Variants in BTC observed in about 807,000 individuals in gnomAD.
The protein encoded by BTC is betacellulin, also known as probetacellulin.
Under a neutral mutation model 18.1 loss-of-function variants are expected in BTC, and 13 were observed. The ratio of observed to expected loss-of-function variants is 0.72; its 90% CI spans 0.47 to 1.14. The LOEUF (loss-of-function observed/expected upper bound fraction) is 1.14, where lower values mean the gene tolerates loss of function less well. Ranked by LOEUF, BTC falls within the 50% of genes most tolerant of loss-of-function variation. BTC has a pLI of 0.00. For synonymous variants in BTC, 83 were observed against 79.4 expected (o/e 1.05, Z -0.24); for missense variants, 247 against 224.2 (o/e 1.10, Z -0.65).
At chr4:74,763,870 T>C (rs965508896) in intron 2 of BTC, among the ~76,000 whole-genome samples, 24 of 152,266 alleles carry the variant, frequency 1.6e-4, no homozygotes, top group African/African-American at 5.1e-4. Context: ...TTTCAACACA[T>C]AAAAATGATA....
At chr4:74,758,222 C>T (rs143846412) in intron 2 of BTC, among the ~76,000 whole-genome samples, 21 of 152,114 alleles carry the variant, frequency 1.4e-4, no homozygotes, top group East Asian at 9.6e-4. Flanking sequence ...AGAATGGCTG[C>T]GAATGAAAGT....
chr4:74,784,925 T>G (rs1226122354), intron 1 of BTC, among the ~76,000 whole-genome samples: 2 of 152,220 alleles, frequency 1.3e-5, no homozygotes, highest in African/African-American at 4.8e-5. Flanking sequence ...GGTATCAGGA[T>G]GATGCTGGCC....
Position 74,771,747 on chromosome 4 carries a change from A to C in BTC, c.65-1591T>G, listed in dbSNP as rs141341260. On this transcript the variant is annotated intron_variant, in intron 1 of 5. Transcript: ENST00000395743. ...ATTAGTACTGCTTTTCTTGAGAACA[A>C]TTCAGCACTATACAAAACATAAAAG... Among the ~76,000 whole-genome samples, 682 of 152,350 alleles carry C rather than the reference A, an allele frequency of 4.5e-3. 20 individuals are homozygous for C. The highest frequency in any genetic ancestry group is 9.3e-4 in the Non-Finnish European group (63 of 68,030).
At chr4:74,771,660 A>G (rs1166519666) in intron 1 of BTC, among the ~76,000 whole-genome samples, 3 of 152,226 alleles carry the variant, frequency 2.0e-5, no homozygotes, top group Non-Finnish European at 2.9e-5. Context: ...AAAGAAAGAA[A>G]TGTACCTAAC....
At chr4:74,780,206 T>A (rs559133823) in intron 1 of BTC, among the ~76,000 whole-genome samples, 6 of 152,218 alleles carry the variant, frequency 3.9e-5, no homozygotes, top group African/African-American at 1.4e-4. Context: ...TAAGAAATAG[T>A]CACAACACAT....
intron 1 of BTC, among the ~76,000 whole-genome samples, chr4:74,776,213 C>A (rs141380303): frequency 4.4e-4 from 67 of 151,170 alleles, no homozygotes; most frequent in Middle Eastern, 3.4e-3. Context: ...ACACTTTTTC[C>A]TTTTAAATGT....
chr4:74,761,290 T>C (rs1280029788), intron 2 of BTC, among the ~76,000 whole-genome samples: 1 of 152,182 alleles, frequency 6.6e-6, no homozygotes, highest in Non-Finnish European at 1.5e-5. Flanking sequence ...CCATGATGAA[T>C]CCATGGCTCA....
Position 74,753,982 on chromosome 4 carries a change from AC to A in BTC, c.281+1876del, listed in dbSNP as rs532514957. Among the ~76,000 whole-genome samples the A allele has an allele frequency of 7.2e-5, 11 of 152,280 alleles. No individual in the cohort carries two copies. In the South Asian group the frequency reaches 2.3e-3, roughly 32 times the overall value. On this transcript the variant is annotated intron_variant, in intron 3 of 5. Transcript: ENST00000395743. Reference sequence around the variant, plus strand: ...TCGCATTTATTATTTTGCTATCTTCACCACTTGACTGGACAGTATTATTACT... The same window carrying A: ...TCGCATTTATTATTTTGCTATCTTCACACTTGACTGGACAGTATTATTACT...
At chr4:74,784,729 A>G (rs1246250039) in intron 1 of BTC, among the ~76,000 whole-genome samples, 1 of 152,192 alleles carries the variant, frequency 6.6e-6, no homozygotes, top group Non-Finnish European at 1.5e-5. Context: ...AATCACATTT[A>G]TTGATTTGCA....
chr4:74,747,617 G>C (rs1224983468), intron 5 of BTC, among the ~76,000 whole-genome samples: 2 of 152,176 alleles, frequency 1.3e-5, no homozygotes, highest in Non-Finnish European at 2.9e-5. Context: ...CATCTGAGAA[G>C]ATTTGTGATT....
At chr4:74,793,954 C>G (rs1725700384) in intron 1 of BTC, among the ~76,000 whole-genome samples, 1 of 151,712 alleles carries the variant, frequency 6.6e-6, no homozygotes, top group Admixed American at 6.6e-5. Flanking sequence ...CCGCCAGGCC[C>G]TCTGCTGTGC....
intron 1 of BTC, among the ~76,000 whole-genome samples, chr4:74,783,837 T>G (rs1243228932): frequency 6.6e-6 from 1 of 152,106 alleles, no homozygotes; most frequent in Non-Finnish European, 1.5e-5. Context: ...TTCACTTCCC[T>G]TGTTAGCTAT....
chr4:74,762,440 A>T (rs1366125772), intron 2 of BTC, among the ~76,000 whole-genome samples: 1 of 152,180 alleles, frequency 6.6e-6, no homozygotes, highest in Non-Finnish European at 1.5e-5. Context: ...TACATAAAGC[A>T]CTCAGAACAG....
chr4:74,748,446 G>A (rs1460626683), intron 4 of BTC, among the ~76,000 whole-genome samples: 2 of 151,884 alleles, frequency 1.3e-5, no homozygotes, highest in African/African-American at 4.8e-5. Flanking sequence ...TGAGGCAGGA[G>A]AATGGCGTGA....
chr4:74,782,811 G>GT (rs1725369018), intron 1 of BTC, among the ~76,000 whole-genome samples: 2 of 152,126 alleles, frequency 1.3e-5, no homozygotes, highest in East Asian at 1.9e-4. Context: ...TGTGAAAATG[G>GT]TATCTCATTG....
chr4:74,770,143 A>C lies in BTC; in HGVS notation c.78T>G (p.Leu26=), dbSNP rs781429850. The part of the protein sequence containing the change: ...LLALALGLVI[L]HCVVADGNST... ...AATTCCCATCTGCCACCACACAGTG[A>C]AGGATCACTAGACCTTCAAATTCAA... Residue 26 remains leucine, a synonymous_variant, in exon 2 of 6, where the codon CTT becomes CTG. Coordinates refer to ENST00000395743, the MANE Select transcript of BTC (RefSeq NM_001729.4). 6.2e-7 allele frequency: 1 copy of C among 1,611,664 alleles called. No individual in the cohort carries two copies. Among genetic ancestry groups the C allele is most frequent in the African/African-American group, 1.3e-5 (1 of 74,712 alleles).
intron 1 of BTC, among the ~76,000 whole-genome samples, chr4:74,777,818 A>G (rs1195917922): frequency 2.6e-5 from 4 of 152,194 alleles, no homozygotes; most frequent in Non-Finnish European, 4.4e-5. Context: ...CATAGTAATA[A>G]CTAAAAATCA....
rs782704683 is a variant in BTC, at chr4:74,755,945, G to T, written c.195C>A (p.His65Gln). Residue 65 changes from histidine to glutamine, a missense_variant, in exon 3 of 6, where the codon CAC (histidine) becomes CAA (glutamine). Coordinates refer to ENST00000395743, the MANE Select transcript of BTC (RefSeq NM_001729.4). The stretch of plus-strand genomic sequence containing the variant: ...TGTATTGCTTGGGGCACCTAGAGAA[G>T]TGGCCTTTCCGCTTTGATTGTGTGG... ...ATTTQSKRKGHFSRCPKQYKH... is the reference protein window; with the variant it reads ...ATTTQSKRKGQFSRCPKQYKH... The T allele has an allele frequency of 1.9e-6, 3 of 1,614,166 alleles. No individual in the cohort carries two copies. The highest frequency in any genetic ancestry group is 2.5e-6 in the Non-Finnish European group (3 of 1,180,024).
chr4:74,783,292 G>C (rs544006354), intron 1 of BTC, among the ~76,000 whole-genome samples: 7 of 152,206 alleles, frequency 4.6e-5, no homozygotes, highest in African/African-American at 1.7e-4. Flanking sequence ...TGTAAAGAAG[G>C]GGTCCAGTTT....
Sources: allele counts gnomAD v4.1 joint callset (sites outside exome capture counted in the v4.1 genomes callset), GRCh38; gene constraint gnomAD v4.1.1; transcripts MANE v1.5; gene names NCBI Gene and HGNC (gene_info 2026-07-23, HGNC 2026-07-21).